SEMA3B: variants seen among roughly 807,000 people sequenced by gnomAD.
SEMA3B encodes the protein semaphorin-3B.
A neutral mutation model predicts 77.8 loss-of-function variants in SEMA3B; 71 were observed. The observed-to-expected ratio is 0.91, with a 90% CI of 0.75 to 1.11. The LOEUF is 1.11. Ranked by LOEUF, SEMA3B falls within the 50% of genes most tolerant of loss-of-function variation. SEMA3B has a pLI of 0.00. For synonymous variants in SEMA3B, 470 were observed against 452.9 expected, an observed-to-expected ratio of 1.04 and a Z score of -0.48; for missense variants, 968 against 1,056.8, an observed-to-expected ratio of 0.92 and a Z score of 1.17.
upstream of SEMA3B, among the ~76,000 whole-genome samples, chr3:50,266,474 C>T (rs968315518): frequency 3.7e-4 from 56 of 152,198 alleles, no homozygotes; most frequent in Middle Eastern, 3.2e-3. Flanking sequence ...GCCCCACTTC[C>T]ACTTCCAGGG....
At chr3:50,262,773 A>G (rs1468579332), upstream of SEMA3B, among the ~76,000 whole-genome samples, 2 of 152,194 alleles carry the variant, frequency 1.3e-5, no homozygotes, top group East Asian at 3.9e-4. Context: ...GGTCAGGGTC[A>G]TCAAGGCCTG....
At position 50,274,314 on chromosome 3, in the gene SEMA3B, A is replaced by G; in HGVS notation, c.1138-49A>G. The G allele has an allele frequency of 7.2e-7, 1 of 1,394,204 alleles. No individual in the cohort carries two copies. The highest frequency in any genetic ancestry group is 2.4e-5 in the East Asian group (1 of 41,656). 86.4% of individuals were successfully genotyped at this position (1,394,204 alleles called of 1,614,324 possible). On this transcript the variant is annotated intron_variant, in intron 10 of 16. Transcript: ENST00000616701. This position sits in a 1 kb window ranked among gnomAD's most constrained non-coding sequence, Gnocchi z 4.7. ...GCTGGGCATGGAGGGCTGCCTATCA[A>G]GCCCCCATATCTATATCCCTGCTGT...
At position 50,273,783 on chromosome 3, in the gene SEMA3B, G is replaced by C; in HGVS notation, c.947G>C (p.Arg316Pro). The C allele has an allele frequency of 6.3e-7, 1 of 1,594,304 alleles. No individual in the cohort carries two copies. The highest frequency in any genetic ancestry group is 8.5e-7 in the Non-Finnish European group (1 of 1,172,462). ...QLQDVFLLSS[R>P]DHRTPLLYAV... The stretch of plus-strand genomic sequence containing the variant: ...GAGGATGTGTTTCTGTTGTCCTCGC[G>C]GGACCACCGGACCCCGCTGCTCTAT... The change falls in exon 9 of 17, where the codon CGG (arginine) becomes CCG (proline). Residue 316 changes from arginine (R) to proline (P), a missense_variant. By Grantham distance (103) the Arg-to-Pro change is moderately radical (BLOSUM62 -2). Coordinates refer to ENST00000616701, the MANE Select transcript of SEMA3B (RefSeq NM_001290060.2). The surrounding 1 kb of genome is among the most constrained non-coding windows in gnomAD (Gnocchi z 6.5).
chr3:50,263,530 A>G (rs1351701059), upstream of SEMA3B, among the ~76,000 whole-genome samples: 2 of 148,562 alleles, frequency 1.3e-5, no homozygotes, highest in East Asian at 3.9e-4. Flanking sequence ...AAAAAAGATG[A>G]AAAAGAGAGT....
rs782265321 is a variant in SEMA3B, at chr3:50,271,093, C to T, written c.456C>T (p.Pro152=). Residue 152 remains proline, a synonymous_variant, in exon 5 of 17, where the codon CCC becomes CCT. Coordinates refer to ENST00000616701, the MANE Select transcript of SEMA3B (RefSeq NM_001290060.2). ...CAACTTGCCACACCTCCCAGGAGCC[C>T]GTCCTCCGGCTGGACCCAGGAAGGA... The part of the protein sequence containing the change: ...FVEVGHRAEE[P]VLRLDPGRIE... 16 of 1,579,108 alleles carry T rather than the reference C, an allele frequency of 1.0e-5. No individual in the cohort carries two copies. The Admixed American group carries it at 1.1e-4, about 11-fold the overall frequency.
At position 50,276,906 on chromosome 3, in the gene SEMA3B, G is replaced by C. The variant is rs587714572; in HGVS notation, c.*200G>C. 138 of 601,384 alleles carry C rather than the reference G, an allele frequency of 2.3e-4. 1 individual carries two copies. The highest frequency in any genetic ancestry group is 1.4e-3 in the Middle Eastern group (3 of 2,180). 37.3% of individuals were successfully genotyped at this position (601,384 alleles called of 1,614,324 possible). A position where few individuals can be genotyped will look rare whatever the true frequency, so the allele number is the denominator to read the frequency against. On this transcript the variant is annotated 3_prime_UTR_variant, in exon 17 of 17. Coordinates refer to ENST00000616701, the MANE Select transcript of SEMA3B (RefSeq NM_001290060.2). The surrounding 1 kb of genome is among the most constrained non-coding windows in gnomAD (Gnocchi z 5.8). ...GATAACCCTTGAATGTAGCAGCCCC[G>C]GGAGGGCGGCACAGGTCGGGCGCAG...
chr3:50,269,054 G>A (rs973012571), upstream of SEMA3B: 1 of 594,424 alleles, frequency 1.7e-6, no homozygotes, highest in Non-Finnish European at 3.0e-6. This position sits in a 1 kb window ranked among gnomAD's most constrained non-coding sequence, Gnocchi z 4.0. Flanking sequence ...GGGTTCGGAA[G>A]TGGAATGCGA....
chr3:50,275,107 C>T lies in SEMA3B; in HGVS notation c.1491+54C>T. On this transcript the variant is annotated intron_variant, in intron 13 of 16. Coordinates refer to ENST00000616701, the MANE Select transcript of SEMA3B (RefSeq NM_001290060.2). The surrounding 1 kb of genome is among the most constrained non-coding windows in gnomAD (Gnocchi z 7.5). ...GGATGGACTGAGCTTGTGCCTGGCG[C>T]GTCCCAAGCCTCTGGCCCCTTTTGG... The T allele has an allele frequency of 6.6e-7, 1 of 1,525,852 alleles. No homozygotes were observed. The highest frequency in any genetic ancestry group is 8.8e-7 in the Non-Finnish European group (1 of 1,134,042). The allele number at this position is 1,525,852 out of a possible 1,614,324, so 94.5% of individuals were successfully genotyped here. A position where few individuals can be genotyped will look rare whatever the true frequency, so the allele number is the denominator to read the frequency against.
upstream of SEMA3B, chr3:50,267,679 G>A (rs1400382022): frequency 6.6e-6 from 1 of 152,466 alleles, no homozygotes; most frequent in Non-Finnish European, 1.5e-5. The surrounding 1 kb of genome is among the most constrained non-coding windows in gnomAD (Gnocchi z 5.7). Context: ...GGGCCAGAGT[G>A]GAGAGATGCT....
chr3:50,265,017 C>T (rs910305427), upstream of SEMA3B, among the ~76,000 whole-genome samples: 4 of 152,118 alleles, frequency 2.6e-5, no homozygotes, highest in African/African-American at 9.7e-5. Flanking sequence ...TCTGACAGGG[C>T]CCTCAGAAGG....
Position 50,274,689 on chromosome 3 carries a change from G to C in SEMA3B, c.1357+107G>C. On this transcript the variant is annotated intron_variant, in intron 11 of 16. Coordinates refer to ENST00000616701, the MANE Select transcript of SEMA3B (RefSeq NM_001290060.2). This position sits in a 1 kb window ranked among gnomAD's most constrained non-coding sequence, Gnocchi z 4.7. Reference sequence around the variant, plus strand: ...ATCTCCACATCCTTTCCTGGGCTGTGTCTCCACCCTGTGGATGCTGCCCAA... The same window carrying C: ...ATCTCCACATCCTTTCCTGGGCTGTCTCTCCACCCTGTGGATGCTGCCCAA... The C allele has an allele frequency of 1.4e-6, 2 of 1,423,300 alleles. No homozygotes were observed. Among genetic ancestry groups the C allele is most frequent in the South Asian group, 2.6e-5 (2 of 76,116 alleles). The allele number at this position is 1,423,300 out of a possible 1,614,324, so 88.2% of individuals were successfully genotyped here. A position where few individuals can be genotyped will look rare whatever the true frequency, so the allele number is the denominator to read the frequency against.
At position 50,276,295 on chromosome 3, in the gene SEMA3B, C is replaced by T. The variant is rs1553706678; in HGVS notation, c.1846-7C>T. 65 of 1,492,004 alleles carry T rather than the reference C, an allele frequency of 4.4e-5. No homozygotes were observed. The highest frequency in any genetic ancestry group is 5.3e-5 in the Non-Finnish European group (60 of 1,124,098). The allele number at this position is 1,492,004 out of a possible 1,614,324, so 92.4% of individuals were successfully genotyped here. On this transcript the variant is annotated splice_region_variant and splice_polypyrimidine_tract_variant and intron_variant, in intron 16 of 16. Coordinates refer to ENST00000616701, the MANE Select transcript of SEMA3B (RefSeq NM_001290060.2). This position sits in a 1 kb window ranked among gnomAD's most constrained non-coding sequence, Gnocchi z 5.8. Reference sequence around the variant, plus strand: ...CACCCCCGCCTCACGCTGCCCTCTGCCCGCAGGTGCTGGCAGAGGAGCGCA... The same window carrying T: ...CACCCCCGCCTCACGCTGCCCTCTGTCCGCAGGTGCTGGCAGAGGAGCGCA...
intron 5 of SEMA3B, 77 bp downstream of exon 5, chr3:50,271,258 G>A: frequency 1.3e-6 from 2 of 1,546,024 alleles, no homozygotes; most frequent in Non-Finnish European, 8.7e-7. Context: ...ACCCCCAAGA[G>A]CTCCAGGGAA....
rs782092187 is a variant in SEMA3B, at chr3:50,270,921, A to T, written c.362A>T (p.His121Leu). 1.2e-6 allele frequency: 2 copies of T among 1,611,030 alleles called. No homozygotes were observed. Among genetic ancestry groups the T allele is most frequent in the Non-Finnish European group, 1.7e-6 (2 of 1,178,698 alleles). ...TGCATGAACTTCGTGAAGTTGCTGC[A>T]TGCCTACAACCGCACCCATTTGCTG... is the stretch of plus-strand genomic sequence containing the variant. ...TECMNFVKLLHAYNRTHLLAC... is the reference protein window; with the variant it reads ...TECMNFVKLLLAYNRTHLLAC... The change falls in exon 4 of 17, where the codon CAT becomes CTT. Residue 121 changes from histidine (H) to leucine (L), a missense_variant. By Grantham distance (99) the His-to-Leu change is moderately conservative. Transcript: ENST00000616701. The surrounding 1 kb of genome is among the most constrained non-coding windows in gnomAD (Gnocchi z 4.7).
At position 50,270,554 on chromosome 3, in the gene SEMA3B, G is replaced by C. The variant is rs929808293; in HGVS notation, c.330+59G>C. 17 of 1,607,866 alleles carry C rather than the reference G, an allele frequency of 1.1e-5. No individual in the cohort carries two copies. In the Admixed American group the frequency reaches 2.7e-4, roughly 25 times the overall value. On this transcript the variant is annotated intron_variant, in intron 3 of 16. Coordinates refer to ENST00000616701, the MANE Select transcript of SEMA3B (RefSeq NM_001290060.2). This position sits in a 1 kb window ranked among gnomAD's most constrained non-coding sequence, Gnocchi z 4.7. ...GGGTCAGCCCCTCACCCCAGAGACA[G>C]GGCAGGGCTAAAACAGAGGCCTGCC...
Position 50,274,928 on chromosome 3 carries a change from G to A in SEMA3B, c.1443G>A (p.Val481=). ...AEGLLLEELH[V]FEDSAAVTSM... The stretch of plus-strand genomic sequence containing the variant: ...GGCTGCTCCTGGAGGAGCTGCACGT[G>A]TTTGAGGTGAGGCCTCACCCCCAGT... Residue 481 remains valine, a synonymous_variant, in exon 12 of 17, where the codon GTG becomes GTA. Coordinates refer to ENST00000616701, the MANE Select transcript of SEMA3B (RefSeq NM_001290060.2). The surrounding 1 kb of genome is among the most constrained non-coding windows in gnomAD (Gnocchi z 4.7). The A allele has an allele frequency of 6.2e-7, 1 of 1,609,298 alleles. No homozygotes were observed. The highest frequency in any genetic ancestry group is 1.1e-5 in the South Asian group (1 of 90,446).
At chr3:50,271,607 G>A (rs910795615) in intron 6 of SEMA3B, 127 bp downstream of exon 6, 7 of 1,344,906 alleles carry the variant, frequency 5.2e-6, no homozygotes, top group Non-Finnish European at 6.0e-6. Flanking sequence ...CCTTAATCAG[G>A]CACTGGCGTC....
chr3:50,268,813 C>T, upstream of SEMA3B: 1 of 189,072 alleles, frequency 5.3e-6, no homozygotes. Flanking sequence ...TGTCCCCTTT[C>T]ACATGGGGAC....
upstream of SEMA3B, chr3:50,268,780 C>T (rs1330121010): frequency 1.2e-5 from 2 of 171,860 alleles, no homozygotes; most frequent in Non-Finnish European, 2.5e-5. Context: ...CCTCTGCATC[C>T]ATCTGATTCC....
Sources: gnomAD v4.1 joint callset for allele counts (sites outside exome capture counted in the v4.1 genomes callset) on GRCh38, gnomAD v4.1.1 for gene constraint, Gnocchi (gnomAD v3.1) non-coding constraint, MANE v1.5 for transcripts, NCBI Gene and HGNC (gene_info 2026-07-23, HGNC 2026-07-21) for gene names.